The following TADA3 variants were observed in gnomAD, a reference collection of about 807,000 sequenced individuals.
TADA3 encodes transcriptional adapter 3.
Under a neutral mutation model 43.2 loss-of-function variants are expected in TADA3, and 25 were observed. The ratio of observed to expected loss-of-function variants is 0.58; its 90% CI spans 0.42 to 0.81. The LOEUF is 0.81. Among genes scored for constraint, TADA3 ranks in the 30% least tolerant of loss-of-function variants. TADA3 has a pLI of 0.00. For synonymous variants in TADA3, 235 were observed against 225.5 expected (o/e 1.04, Z -0.38); for missense variants, 441 against 567.8 (o/e 0.78, Z 2.27).
intron 7 of TADA3, among the ~76,000 whole-genome samples, chr3:9,784,892 GA>G (rs1386902057): frequency 2.7e-5 from 4 of 150,398 alleles, no homozygotes; most frequent in Non-Finnish European, 5.9e-5. Context: ...AAGAAAAAAA[GA>G]AATATATTTT....
At chr3:9,785,921 C>T (rs2078596635) in intron 6 of TADA3, among the ~76,000 whole-genome samples, 1 of 151,506 alleles carries the variant, frequency 6.6e-6, no homozygotes, top group African/African-American at 2.4e-5. Context: ...TTCCTTCACA[C>T]ACTCCTCCTT....
Position 9,780,489 on chromosome 3 carries a change from G to A in TADA3, c.1167C>T (p.Asn389=), listed in dbSNP as rs201003135. 6.7e-5 allele frequency: 108 copies of A among 1,610,112 alleles called. 2 individuals are homozygous for A. The Admixed American group carries it at 1.5e-3, about 22-fold the overall frequency. The change falls in exon 9 of 9, where the codon AAC becomes AAT. Residue 389 remains asparagine (N), a synonymous_variant. Transcript: ENST00000301964. ...TCTTGCGAAAGGCGTCCATGACCTCGTTGTCAGCCATGCGCACCCGCTGCC... is the reference window on the plus strand; with the variant it reads ...TCTTGCGAAAGGCGTCCATGACCTCATTGTCAGCCATGCGCACCCGCTGCC... ...ELRQRVRMAD[N]EVMDAFRKIM...
chr3:9,787,546 C>T, intron 4 of TADA3: 1 of 942,292 alleles, frequency 1.1e-6, no homozygotes, highest in African/African-American at 1.7e-5. Flanking sequence ...AGAACTAAGA[C>T]ACACACACAG....
chr3:9,792,789 C>T (rs1005201509), upstream of TADA3: 8 of 1,261,148 alleles, frequency 6.3e-6, no homozygotes, highest in Non-Finnish European at 8.0e-6. Context: ...TAATTTGGTG[C>T]CCAATCTGAA....
Position 9,785,406 on chromosome 3 carries a change from A to G in TADA3, c.830T>C (p.Met277Thr). 1 of 1,613,630 alleles carries G rather than the reference A, an allele frequency of 6.2e-7. No individual in the cohort carries two copies. The highest frequency in any genetic ancestry group is 8.5e-7 in the Non-Finnish European group (1 of 1,179,596). ...CATGTCAGGAATAGGAGAATCCTCCATAGGGGAAATAATATTTTCCTAGAA... is the reference window on the plus strand; with the variant it reads ...CATGTCAGGAATAGGAGAATCCTCCGTAGGGGAAATAATATTTTCCTAGAA... ...ALVEENIISP[M>T]EDSPIPDMSG... Residue 277 changes from methionine to threonine, a missense_variant, in exon 7 of 9, where the codon ATG (methionine) becomes ACG (threonine). Met to Thr is a moderately conservative substitution (Grantham distance 81). Coordinates refer to ENST00000301964, the MANE Select transcript of TADA3 (RefSeq NM_006354.5).
chr3:9,785,850 T>A (rs1358977449), intron 6 of TADA3, among the ~76,000 whole-genome samples: 1 of 152,116 alleles, frequency 6.6e-6, no homozygotes, highest in Non-Finnish European at 1.5e-5. Flanking sequence ...TGTGACAAGT[T>A]CTCTCCAGGG....
chr3:9,785,177 C>A (rs1168617599), intron 7 of TADA3, 139 bp downstream of exon 7: 9 of 610,924 alleles, frequency 1.5e-5, no homozygotes, highest in Admixed American at 5.8e-5. Flanking sequence ...GCTGGGTCAT[C>A]ACTCACACTT....
Position 9,780,503 on chromosome 3 carries a change from G to A in TADA3, c.1153C>T (p.Arg385Cys), listed in dbSNP as rs552406219. Residue 385 changes from arginine to cysteine, a missense_variant, in exon 9 of 9, where the codon CGC (arginine) becomes TGC (cysteine). Transcript: ENST00000301964. ...TCCATGACCTCGTTGTCAGCCATGC[G>A]CACCCGCTGCCTCAGCTCCTGCCGG... ...VSRQELRQRV[R>C]MADNEVMDAF... 6.8e-6 allele frequency: 11 copies of A among 1,608,220 alleles called. No homozygotes were observed. In the Admixed American group the frequency reaches 1.2e-4, roughly 17 times the overall value.
In TADA3 at chr3:9,791,410, G is replaced by C; in HGVS notation, c.57C>G (p.His19Gln). 6.2e-7 allele frequency: 1 copy of C among 1,614,136 alleles called. No individual in the cohort carries two copies. The highest frequency in any genetic ancestry group is 8.5e-7 in the Non-Finnish European group (1 of 1,179,978). Residue 19 changes from histidine (H) to glutamine (Q), a missense_variant, in exon 2 of 9, where the codon CAC becomes CAG. Coordinates refer to ENST00000301964, the MANE Select transcript of TADA3 (RefSeq NM_006354.5). ...LQFHDFKSVD[H>Q]LKVCPRYTAV... ...CCGTGTAGCGGGGACAGACCTTCAG[G>C]TGATCCACAGACTTGAAGTCGTGGA...
Position 9,780,249 on chromosome 3 carries a change from G to A in TADA3, c.*108C>T, listed in dbSNP as rs912427680. 42 of 1,234,122 alleles carry A rather than the reference G, an allele frequency of 3.4e-5. No homozygotes were observed. Among genetic ancestry groups the A allele is most frequent in the Admixed American group, 1.2e-4 (5 of 43,036 alleles). The allele number at this position is 1,234,122 out of a possible 1,614,324, so 76.4% of individuals were successfully genotyped here. A position where few individuals can be genotyped will look rare whatever the true frequency, so the allele number is the denominator to read the frequency against. ...GGGCCACGGCCCTCTAGAGACTGCC[G>A]CCATTTGAGGGACAGCCACAGGCCA... On this transcript the variant is annotated 3_prime_UTR_variant, in exon 9 of 9. Coordinates refer to ENST00000301964, the MANE Select transcript of TADA3 (RefSeq NM_006354.5).
Position 9,792,215 on chromosome 3 carries a change from C to A in TADA3, c.-28+1G>T, listed in dbSNP as rs931945445. ...AAAATGGGGATAACAATAGTACCTA[C>A]CTCCCTGGGATGTTCTGAGGATTAA... is the stretch of plus-strand genomic sequence containing the variant. On this transcript the variant is annotated splice_donor_variant, in intron 1 of 8. Transcript: ENST00000301964. LOFTEE classifies it low-confidence loss of function (5UTR_SPLICE). The A allele has an allele frequency of 6.5e-6, 1 of 153,068 alleles. No homozygotes were observed. Among genetic ancestry groups the A allele is most frequent in the African/African-American group, 2.4e-5 (1 of 41,500 alleles). The allele number at this position is 153,068 out of a possible 1,614,324, so 9.5% of individuals were successfully genotyped here.
intron 8 of TADA3, among the ~76,000 whole-genome samples, chr3:9,781,833 CTTTTTTTTTTTTTT>C (rs35246642): frequency 2.3e-5 from 2 of 86,870 alleles, no homozygotes; most frequent in African/African-American, 1.0e-4. Flanking sequence ...CCCATTACTT[CTTTTTTTTTTTTTT>C]TTTTTTTTTT....
intron 6 of TADA3, among the ~76,000 whole-genome samples, chr3:9,785,795 T>C (rs1043320454): frequency 2.6e-5 from 4 of 152,242 alleles, no homozygotes; most frequent in African/African-American, 7.2e-5. Context: ...AGGCAATGCC[T>C]GTCCAGTTGT....
upstream of TADA3, chr3:9,792,735 A>C (rs1474526940): frequency 1.4e-5 from 17 of 1,239,772 alleles, no homozygotes; most frequent in Admixed American, 2.9e-4. Flanking sequence ...GGATGGGGGT[A>C]CAGAACCGGA....
intron 1 of TADA3, among the ~76,000 whole-genome samples, chr3:9,791,961 G>A (rs907747197): frequency 6.6e-6 from 1 of 152,116 alleles, no homozygotes; most frequent in Admixed American, 6.6e-5. Context: ...GGGACTCTTG[G>A]CCTCTTTTCT....
chr3:9,785,499 C>CA, intron 6 of TADA3, 74 bp from the exon 7 acceptor site: 1 of 1,012,834 alleles, frequency 9.9e-7, no homozygotes, highest in Non-Finnish European at 1.5e-6. Flanking sequence ...CCTACACTGA[C>CA]AGTCTTCAAA....
At chr3:9,792,935 G>A (rs2078778633), upstream of TADA3, 35 of 1,400,598 alleles carry the variant, frequency 2.5e-5, no homozygotes, top group Non-Finnish European at 2.9e-5. Flanking sequence ...AAAATACCGA[G>A]ACAGCCCTAG....
chr3:9,784,228 A>C lies in TADA3; in HGVS notation c.921-15T>G. The C allele has an allele frequency of 6.3e-7, 1 of 1,595,168 alleles. No individual in the cohort carries two copies. The highest frequency in any genetic ancestry group is 8.6e-7 in the Non-Finnish European group (1 of 1,164,950). On this transcript the variant is annotated splice_polypyrimidine_tract_variant and intron_variant, in intron 7 of 8. Transcript: ENST00000301964. ...TATGCGGCACACTGCAGCGGGAGGC[A>C]GGCCCGTCAGACTCAAGAGCCAGCT...
intron 6 of TADA3, among the ~76,000 whole-genome samples, chr3:9,786,229 G>A (rs1283437924): frequency 3.3e-5 from 5 of 152,106 alleles, no homozygotes; most frequent in African/African-American, 9.7e-5. Context: ...GTGAGCCACC[G>A]CGCCCGGCCT....
Sources: allele counts gnomAD v4.1 joint callset (sites outside exome capture counted in the v4.1 genomes callset), GRCh38; gene constraint gnomAD v4.1.1; transcripts MANE v1.5; gene names NCBI Gene and HGNC (gene_info 2026-07-23, HGNC 2026-07-21).